Variants in CLNK observed in about 807,000 individuals in gnomAD.
CLNK encodes cytokine dependent hematopoietic cell linker.
In CLNK, 74 loss-of-function variants were observed where a neutral mutation model predicts 68.6. The observed-to-expected ratio is 1.08, with a 90% CI of 0.89 to 1.31. The LOEUF (loss-of-function observed/expected upper bound fraction) is 1.31, where lower values mean the gene tolerates loss of function less well. Among genes scored for constraint, CLNK ranks in the 50% most tolerant of loss-of-function variants. The pLI is 0.00. For missense variants in CLNK, 553 were observed against 515.3 expected, an observed-to-expected ratio of 1.07 and a Z score of -0.71; for synonymous variants, 198 against 172.2, an observed-to-expected ratio of 1.15 and a Z score of -1.17.
At chr4:10,600,967 C>T (rs1447699670) in intron 2 of CLNK, among the ~76,000 whole-genome samples, 1 of 152,248 alleles carries the variant, frequency 6.6e-6, no homozygotes, top group African/African-American at 2.4e-5. Flanking sequence ...GAGAACCCAA[C>T]AGACTGGGAG....
intron 7 of CLNK, among the ~76,000 whole-genome samples, chr4:10,558,843 G>A (rs964848483): frequency 6.6e-6 from 1 of 152,134 alleles, no homozygotes; most frequent in Non-Finnish European, 1.5e-5. Context: ...AATGAGGCAG[G>A]CAGGTCAGGG....
chr4:10,659,839 C>G (rs1424626605), intron 2 of CLNK, among the ~76,000 whole-genome samples: 1 of 152,052 alleles, frequency 6.6e-6, no homozygotes, highest in African/African-American at 2.4e-5. Flanking sequence ...TGATATTGGT[C>G]CCAAATCATA....
chr4:10,684,878 G>T (rs146025246), upstream of CLNK: 2 of 152,172 alleles, frequency 1.3e-5, no homozygotes, highest in Non-Finnish European at 2.9e-5. Context: ...AGACCTGAGA[G>T]GTCTGACCTG....
intron 16 of CLNK, 83 bp downstream of exon 16, chr4:10,513,381 T>C (rs1379737862): frequency 6.2e-6 from 8 of 1,285,070 alleles, no homozygotes; most frequent in Non-Finnish European, 8.5e-6. Context: ...ACATAAATAA[T>C]CTCCTTTTGG....
intron 2 of CLNK, among the ~76,000 whole-genome samples, chr4:10,667,343 A>G (rs984539986): frequency 3.3e-5 from 5 of 151,078 alleles, no homozygotes; most frequent in African/African-American, 1.2e-4. Context: ...TTTTCACTAT[A>G]AATATTTCTT....
chr4:10,509,715 A>G (rs918357450), intron 16 of CLNK, among the ~76,000 whole-genome samples: 3 of 152,056 alleles, frequency 2.0e-5, no homozygotes, highest in Admixed American at 1.3e-4. Flanking sequence ...TAGTAGAGAC[A>G]GGGTTTCACC....
chr4:10,561,731 C>G (rs1048201668), intron 7 of CLNK, among the ~76,000 whole-genome samples: 1 of 152,150 alleles, frequency 6.6e-6, no homozygotes, highest in Non-Finnish European at 1.5e-5. Flanking sequence ...GGGGACTACC[C>G]TAGATGCAGA....
At position 10,588,382 on chromosome 4, in the gene CLNK, T is replaced by C. The variant is rs901074576; in HGVS notation, c.84-3427A>G. ...GTGCTAAAAAGCATGTTGGAGATAA[T>C]GTCCAGTTCGTTAGTTTTTTAAATG... On this transcript the variant is annotated intron_variant, in intron 3 of 18. Transcript: ENST00000226951. Among the ~76,000 whole-genome samples, 22 of 152,214 alleles carry C rather than the reference T, an allele frequency of 1.4e-4. 2 individuals carry two copies. The highest frequency in any genetic ancestry group is 1.2e-3 in the Admixed American group (19 of 15,288).
At chr4:10,652,954 A>G (rs1723811702) in intron 2 of CLNK, among the ~76,000 whole-genome samples, 1 of 152,218 alleles carries the variant, frequency 6.6e-6, no homozygotes, top group African/African-American at 2.4e-5. Flanking sequence ...ATGCCCATCA[A>G]TGATAGACTG....
chr4:10,699,510 A>ATTTTTT, the CLNK span, among the ~76,000 whole-genome samples: 13 of 19,478 alleles, frequency 6.7e-4, no homozygotes, highest in Non-Finnish European at 1.1e-3. Flanking sequence ...ATATATATAT[A>ATTTTTT]TATTTTTTTT....
chr4:10,551,434 T>A (rs1012737264), intron 8 of CLNK, among the ~76,000 whole-genome samples: 19 of 151,496 alleles, frequency 1.3e-4, no homozygotes, highest in African/African-American at 3.9e-4. Flanking sequence ...TATATATATT[T>A]TTTTTTAGTA....
At chr4:10,647,376 G>A (rs1207766863) in intron 2 of CLNK, among the ~76,000 whole-genome samples, 1 of 152,116 alleles carries the variant, frequency 6.6e-6, no homozygotes, top group African/African-American at 2.4e-5. Flanking sequence ...CTGAGCTGGT[G>A]GATTTTGAAG....
At chr4:10,662,687 T>C (rs1422682612) in intron 2 of CLNK, among the ~76,000 whole-genome samples, 4 of 152,192 alleles carry the variant, frequency 2.6e-5, no homozygotes, top group Non-Finnish European at 4.4e-5. Flanking sequence ...ATGAATGACT[T>C]AAAACAATGA....
At chr4:10,532,162 G>T in intron 12 of CLNK, 94 bp downstream of exon 12, 1 of 891,616 alleles carries the variant, frequency 1.1e-6, no homozygotes, top group African/African-American at 1.6e-5. Flanking sequence ...AGAACTAAGT[G>T]TAAGTATCTG....
intron 8 of CLNK, among the ~76,000 whole-genome samples, 174 bp from the exon 9 acceptor site, chr4:10,542,454 T>C (rs1719068498): frequency 6.6e-6 from 1 of 152,202 alleles, no homozygotes; most frequent in African/African-American, 2.4e-5. Flanking sequence ...TTTAGTTACG[T>C]GGTCTTATTA....
chr4:10,492,138 G>A (rs909681725), intron 18 of CLNK, among the ~76,000 whole-genome samples: 10 of 152,310 alleles, frequency 6.6e-5, no homozygotes, highest in East Asian at 1.9e-4. Flanking sequence ...CCTAAAGAGC[G>A]AAGGGAATTT....
intron 14 of CLNK, among the ~76,000 whole-genome samples, chr4:10,521,984 C>T (rs577561028): frequency 6.6e-6 from 1 of 152,216 alleles, no homozygotes; most frequent in East Asian, 1.9e-4. Flanking sequence ...TAAGTCTGGG[C>T]GTGTTGGCTC....
intron 17 of CLNK, among the ~76,000 whole-genome samples, chr4:10,506,991 G>T (rs1448468428): frequency 6.6e-6 from 1 of 151,492 alleles, no homozygotes; most frequent in Non-Finnish European, 1.5e-5. Context: ...ATTTTTAGTA[G>T]AGACGGGTTT....
At position 10,541,222 on chromosome 4, in the gene CLNK, C is replaced by CA. The variant is rs200738466; in HGVS notation, c.492-619dup. 3.9e-3 allele frequency among the ~76,000 whole-genome samples: 148 copies of CA among 38,412 alleles called. 1 individual carries two copies. The highest frequency in any genetic ancestry group is 0.022 in the Middle Eastern group (1 of 46). The allele number at this position is 38,412 out of a possible 152,430, so 25.2% of individuals were successfully genotyped here. On this transcript the variant is annotated intron_variant, in intron 10 of 18. Coordinates refer to ENST00000226951, the MANE Select transcript of CLNK (RefSeq NM_052964.4). ...GAGCCAGACTGTCTCAAAAAAAAAACAAAAAAAAAAAAACCCAATAAGAAA... is the reference window on the plus strand; with the variant it reads ...GAGCCAGACTGTCTCAAAAAAAAAACAAAAAAAAAAAAAACCCAATAAGAAA...
Sources: gnomAD v4.1 joint callset for allele counts (sites outside exome capture counted in the v4.1 genomes callset) on GRCh38, gnomAD v4.1.1 for gene constraint, MANE v1.5 for transcripts, NCBI Gene and HGNC (gene_info 2026-07-23, HGNC 2026-07-21) for gene names.